EPB41L4B: variants seen among roughly 807,000 people sequenced by gnomAD.
EPB41L4B encodes the protein band 4.1-like protein 4B.
EPB41L4B carries 30 observed loss-of-function variants against 112.5 expected under a neutral mutation model. That is an observed-to-expected ratio of 0.27 (90% confidence interval 0.20 to 0.36). The LOEUF is 0.36. Among genes scored for constraint, EPB41L4B ranks in the 10% least tolerant of loss-of-function variants. EPB41L4B has a pLI of 1.00. For synonymous variants in EPB41L4B, 408 were observed against 439.7 expected, an observed-to-expected ratio of 0.93 and a Z score of 0.90; for missense variants, 1,024 against 1,133.3, an observed-to-expected ratio of 0.90 and a Z score of 1.38.
intron 19 of EPB41L4B, among the ~76,000 whole-genome samples, chr9:109,203,271 G>A (rs1832894023): frequency 6.6e-6 from 1 of 152,206 alleles, no homozygotes; most frequent in Non-Finnish European, 1.5e-5. Context: ...CCAAGTCCAA[G>A]CTGGAGTTGT....
intron 22 of EPB41L4B, among the ~76,000 whole-genome samples, chr9:109,191,748 C>T (rs1240016997): frequency 6.6e-6 from 1 of 152,136 alleles, no homozygotes; most frequent in Non-Finnish European, 1.5e-5. Context: ...ATTCTCAGAC[C>T]CACCAGGCCC....
At chr9:109,210,538 T>A (rs967148343) in intron 17 of EPB41L4B, among the ~76,000 whole-genome samples, 4 of 152,218 alleles carry the variant, frequency 2.6e-5, no homozygotes, top group Non-Finnish European at 5.9e-5. Flanking sequence ...AAGTTAGCAC[T>A]GATTTTCCCC....
At chr9:109,181,579 G>A (rs1832054935) in intron 24 of EPB41L4B, among the ~76,000 whole-genome samples, 1 of 152,122 alleles carries the variant, frequency 6.6e-6, no homozygotes, top group East Asian at 1.9e-4. Context: ...GCTCATGCCT[G>A]TAATCTCAGC....
chr9:109,221,175 C>T (rs543475799), intron 15 of EPB41L4B, among the ~76,000 whole-genome samples: 89 of 151,894 alleles, frequency 5.9e-4, no homozygotes, highest in Non-Finnish European at 9.9e-4. Flanking sequence ...AACATGGAGA[C>T]CTTTACCTGT....
chr9:109,196,242 G>A (rs909227510), intron 20 of EPB41L4B: 3 of 151,510 alleles, frequency 2.0e-5, no homozygotes, highest in Admixed American at 6.6e-5. Flanking sequence ...TCCACCTTGC[G>A]CAGGGGGACC....
intron 1 of EPB41L4B, among the ~76,000 whole-genome samples, chr9:109,289,176 T>C (rs1303390375): frequency 3.9e-5 from 6 of 152,146 alleles, no homozygotes; most frequent in Non-Finnish European, 7.4e-5. Context: ...CCATCAACCC[T>C]GCCTAACCTA....
At chr9:109,218,013 C>T (rs1185674790) in intron 15 of EPB41L4B, among the ~76,000 whole-genome samples, 2 of 151,992 alleles carry the variant, frequency 1.3e-5, no homozygotes, top group East Asian at 1.9e-4. Context: ...CGTCTCTGCT[C>T]GTTCCTTTAG....
Position 109,320,453 on chromosome 9 carries a change from TG to T in EPB41L4B, c.-8del, listed in dbSNP as rs1280292003. Reference sequence around the variant, plus strand: ...GGCGCAGGAACCGCAGCATCCTGGCTGGGGGCGCCCCCTGCCTCCGCCCCCT... The same window carrying T: ...GGCGCAGGAACCGCAGCATCCTGGCTGGGGCGCCCCCTGCCTCCGCCCCCT... On this transcript the variant is annotated 5_prime_UTR_variant, in exon 1 of 26. Coordinates refer to ENST00000374566, the MANE Select transcript of EPB41L4B (RefSeq NM_019114.5). 7 of 986,850 alleles carry T rather than the reference TG, an allele frequency of 7.1e-6. No homozygotes were observed. Among genetic ancestry groups the T allele is most frequent in the South Asian group, 4.4e-5 (1 of 22,518 alleles). The allele number at this position is 986,850 out of a possible 1,614,324, so 61.1% of individuals were successfully genotyped here.
intron 1 of EPB41L4B, among the ~76,000 whole-genome samples, chr9:109,286,923 T>C (rs1343545289): frequency 6.6e-6 from 1 of 152,212 alleles, no homozygotes; most frequent in Non-Finnish European, 1.5e-5. Flanking sequence ...CCAAACACAG[T>C]AGACTCCAGA....
intron 4 of EPB41L4B, among the ~76,000 whole-genome samples, chr9:109,265,989 G>A (rs764550023): frequency 7.9e-5 from 12 of 152,194 alleles, no homozygotes; most frequent in Admixed American, 2.6e-4. Flanking sequence ...CAAGGAGATC[G>A]GGCGTGCTGA....
At chr9:109,267,337 C>T (rs1010810609) in intron 4 of EPB41L4B, 136 bp downstream of exon 4, 4 of 546,520 alleles carry the variant, frequency 7.3e-6, no homozygotes, top group South Asian at 6.7e-5. Flanking sequence ...ACGGAAGCAC[C>T]GGAAAAGTAC....
At chr9:109,298,327 T>TC (rs1554764087) in intron 1 of EPB41L4B, among the ~76,000 whole-genome samples, 35 of 150,890 alleles carry the variant, frequency 2.3e-4, no homozygotes, top group Middle Eastern at 3.4e-3. Context: ...TTTTTTTTTT[T>TC]CCCCAAGACA....
intron 15 of EPB41L4B, chr9:109,241,671 A>T (rs1311689208): frequency 1.9e-6 from 3 of 1,614,012 alleles, no homozygotes. Flanking sequence ...CTCAAAGTGC[A>T]GTCATGAGTT....
chr9:109,182,664 G>A (rs559436830), intron 24 of EPB41L4B, 65 bp downstream of exon 24: 24 of 1,227,626 alleles, frequency 2.0e-5, no homozygotes, highest in African/African-American at 7.5e-5. Flanking sequence ...CTGGCATCCC[G>A]CAGAAAAGCA....
intron 17 of EPB41L4B, 87 bp downstream of exon 17, chr9:109,213,613 T>C: frequency 9.3e-7 from 1 of 1,071,332 alleles, no homozygotes. Context: ...CAAAGGCACT[T>C]GGTTTAGCAG....
intron 6 of EPB41L4B, among the ~76,000 whole-genome samples, chr9:109,260,775 A>G (rs1053240436): frequency 1.3e-5 from 2 of 152,160 alleles, no homozygotes; most frequent in African/African-American, 4.8e-5. Context: ...TAATTTCTCC[A>G]AGAACGGTCA....
At chr9:109,294,926 A>G (rs1836679102) in intron 1 of EPB41L4B, among the ~76,000 whole-genome samples, 1 of 152,200 alleles carries the variant, frequency 6.6e-6, no homozygotes, top group Non-Finnish European at 1.5e-5. Flanking sequence ...GTGTCAGCAC[A>G]GTGTGGGCTG....
intron 24 of EPB41L4B, among the ~76,000 whole-genome samples, chr9:109,177,984 A>G (rs1831906683): frequency 6.7e-6 from 1 of 150,080 alleles, no homozygotes; most frequent in South Asian, 2.1e-4. Context: ...AGTTGGCACA[A>G]TGAGAGCTCG....
At chr9:109,294,003 G>A (rs956678513) in intron 1 of EPB41L4B, among the ~76,000 whole-genome samples, 1 of 152,126 alleles carries the variant, frequency 6.6e-6, no homozygotes, top group African/African-American at 2.4e-5. Flanking sequence ...TTTGTATCAG[G>A]TGACATTAAG....
Sources: gnomAD v4.1 joint callset for allele counts (sites outside exome capture counted in the v4.1 genomes callset) on GRCh38, gnomAD v4.1.1 for gene constraint, MANE v1.5 for transcripts, NCBI Gene and HGNC (gene_info 2026-07-23, HGNC 2026-07-21) for gene names.